Variants in POMGNT1 observed in about 807,000 individuals in gnomAD.
POMGNT1 encodes the protein protein O-linked mannose N-acetylglucosaminyltransferase 1 (beta 1,2-).
Under a neutral mutation model 95.6 loss-of-function variants are expected in POMGNT1, and 67 were observed. That is an observed-to-expected ratio of 0.70 (90% confidence interval 0.58 to 0.86). The LOEUF is 0.86. Among genes scored for constraint, POMGNT1 ranks in the 40% least tolerant of loss-of-function variants. The pLI is 0.00. For synonymous variants in POMGNT1, 298 were observed against 317.9 expected (o/e 0.94, Z 0.66); for missense variants, 719 against 855.2 (o/e 0.84, Z 1.99).
At chr1:46,194,746 A>G (rs1352376809) in intron 7 of POMGNT1, 95 bp from the exon 8 acceptor site, 2 of 1,613,726 alleles carry the variant, frequency 1.2e-6, no homozygotes, top group Non-Finnish European at 1.7e-6. Context: ...ACCCACTGCC[A>G]CTGGCTCCTA....
chr1:46,207,084 AT>A (rs56059506), intron 1 of POMGNT1, among the ~76,000 whole-genome samples: 277 of 143,444 alleles, frequency 1.9e-3, no homozygotes, highest in Middle Eastern at 3.5e-3. Flanking sequence ...GAGTCCTTCT[AT>A]TTTTTTTTTT....
At chr1:46,205,881 G>A (rs1446225547) in intron 1 of POMGNT1, among the ~76,000 whole-genome samples, 1 of 152,232 alleles carries the variant, frequency 6.6e-6, no homozygotes, top group Non-Finnish European at 1.5e-5. Context: ...ACTGAAGGCA[G>A]GACTGGTTCA....
intron 1 of POMGNT1, among the ~76,000 whole-genome samples, chr1:46,204,153 C>CA (rs756690288): frequency 2.0e-5 from 3 of 152,168 alleles, no homozygotes; most frequent in Non-Finnish European, 4.4e-5. Context: ...CTACATCCCC[C>CA]AGCCCTACTT....
rs763062475 is a variant in POMGNT1, at chr1:46,193,213, G to A, written c.1113C>T (p.His371=). ...ISIKNARVSQ[H]YKASLTATFN... ...AAGTGGCAGTGAGGCTGGCCTTGTA[G>A]TGCTGGGAGTGGGGTGGGAATAGGG... The change falls in exon 13 of 22, where the codon CAC becomes CAT. Residue 371 remains histidine (H), a splice_region_variant and synonymous_variant. Coordinates refer to ENST00000371984, the MANE Select transcript of POMGNT1 (RefSeq NM_017739.4). 1 of 1,614,238 alleles carries A rather than the reference G, an allele frequency of 6.2e-7. No individual in the cohort carries two copies. Among genetic ancestry groups the A allele is most frequent in the East Asian group, 2.2e-5 (1 of 44,884 alleles).
At chr1:46,212,472 G>A (rs1452128477) in intron 1 of POMGNT1, among the ~76,000 whole-genome samples, 2 of 151,762 alleles carry the variant, frequency 1.3e-5, no homozygotes, top group African/African-American at 2.4e-5. Flanking sequence ...TAACAGAGAC[G>A]GGGTTTCACC....
At chr1:46,200,859 G>A (rs765417183), upstream of POMGNT1, among the ~76,000 whole-genome samples, 13 of 152,182 alleles carry the variant, frequency 8.5e-5, no homozygotes, top group South Asian at 2.1e-4. Flanking sequence ...AAATGTTGCC[G>A]GGTTCGGTGG....
At position 46,190,489 on chromosome 1, in the gene POMGNT1, C is replaced by T. The variant is rs757535442; in HGVS notation, c.1633G>A (p.Val545Ile). ...AGGCCATACCTGAGCAGCCTGTGAA[C>T]TTCCACTTCATAAGCTTCTTTCTTC... ...SLKKEAYEVE[V>I]HRLLSEAEVL... Residue 545 changes from valine to isoleucine, a missense_variant, in exon 19 of 22, where the codon GTT becomes ATT. By Grantham distance (29) the Val-to-Ile change is conservative (BLOSUM62 3). Around this residue, in one of 5 missense-constraint regions of POMGNT1, gnomAD observed 130 missense variants for 149.2 expected, o/e 0.87. Transcript: ENST00000371984. 4 of 1,606,056 alleles carry T rather than the reference C, an allele frequency of 2.5e-6. No homozygotes were observed. The highest frequency in any genetic ancestry group is 2.6e-6 in the Non-Finnish European group (3 of 1,172,588).
rs1247698029 is a variant in POMGNT1, at chr1:46,193,015, C to T, written c.1153-57G>A. On this transcript the variant is annotated intron_variant, in intron 13 of 21. Coordinates refer to ENST00000371984, the MANE Select transcript of POMGNT1 (RefSeq NM_017739.4). ...AGGGGTCTCTCCATCCTGTGATCTCCTTTGCCCCCAACCCTCTTCTTGCAG... is the reference window on the plus strand; with the variant it reads ...AGGGGTCTCTCCATCCTGTGATCTCTTTTGCCCCCAACCCTCTTCTTGCAG... The T allele has an allele frequency of 2.5e-6, 4 of 1,609,784 alleles. No individual in the cohort carries two copies. In the East Asian group the frequency reaches 8.9e-5, roughly 36 times the overall value.
At chr1:46,198,542 T>TGGC (rs930297008), upstream of POMGNT1, 300 of 76,458 alleles carry the variant, frequency 3.9e-3, 2 homozygotes, top group African/African-American at 0.014. Context: ...GCGGCGGCGG[T>TGGC]GGCGGCAGCG....
Position 46,189,980 on chromosome 1 carries a change from C to T in POMGNT1, c.1659G>A (p.Glu553=), listed in dbSNP as rs750115605. 6.2e-7 allele frequency: 1 copy of T among 1,614,038 alleles called. No homozygotes were observed. The highest frequency in any genetic ancestry group is 1.3e-5 in the African/African-American group (1 of 75,054). The change falls in exon 20 of 22, where the codon GAG becomes GAA. Residue 553 remains glutamate (E), a synonymous_variant. Coordinates refer to ENST00000371984, the MANE Select transcript of POMGNT1 (RefSeq NM_017739.4). ...VEVHRLLSEA[E]VLDHSKNPCE... ...AAGGGTTCTTGCTGTGGTCCAGAACCTCAGCCTCACTGCAGTAGAGGGTGG... is the reference window on the plus strand; with the variant it reads ...AAGGGTTCTTGCTGTGGTCCAGAACTTCAGCCTCACTGCAGTAGAGGGTGG...
In POMGNT1 at chr1:46,196,810, C is replaced by A. The variant is rs761706300; in HGVS notation, c.275G>T (p.Gly92Val). The change falls in exon 4 of 22, where the codon GGC becomes GTC. Residue 92 changes from glycine to valine, a missense_variant. Transcript: ENST00000371984. This position sits in a 1 kb window ranked among gnomAD's most constrained non-coding sequence, Gnocchi z 4.4. ...LGRLEPPRRR[G>V]SGPRRVLDVE... ...GTCCAGGACCCGCCGGGGACCACTG[C>A]CTCTGCGCCGTGGGGGCTCCAGGCG... 4 of 1,614,106 alleles carry A rather than the reference C, an allele frequency of 2.5e-6. No homozygotes were observed. The highest frequency in any genetic ancestry group is 1.3e-5 in the African/African-American group (1 of 74,936).
chr1:46,212,184 T>A (rs1041932435), intron 1 of POMGNT1, among the ~76,000 whole-genome samples: 2 of 152,214 alleles, frequency 1.3e-5, no homozygotes, highest in Admixed American at 1.3e-4. Flanking sequence ...TGTGTTTGTG[T>A]GACCTGCGGG....
chr1:46,194,182 C>T (rs969566525), intron 9 of POMGNT1, 92 bp downstream of exon 9: 3 of 1,607,566 alleles, frequency 1.9e-6, no homozygotes, highest in African/African-American at 2.7e-5. Context: ...CTCCCAGGCT[C>T]AGGTAGGGAA....
In POMGNT1 at chr1:46,196,283, C is replaced by T. The variant is rs1658233450; in HGVS notation, c.355-206G>A. On this transcript the variant is annotated intron_variant, in intron 4 of 21. Transcript: ENST00000371984. This position sits in a 1 kb window ranked among gnomAD's most constrained non-coding sequence, Gnocchi z 4.4. ...CATCAGAAGAGATCACGTCTTTCTA[C>T]AACCCTCCCCTCCATGACTTTCATG... is the stretch of plus-strand genomic sequence containing the variant. 6.6e-6 allele frequency among the ~76,000 whole-genome samples: 1 copy of T among 152,220 alleles called. No individual in the cohort carries two copies. Among genetic ancestry groups the T allele is most frequent in the Non-Finnish European group, 1.5e-5 (1 of 68,036 alleles).
rs774003949 is a variant in POMGNT1, at chr1:46,197,035, A to C, written c.170T>G (p.Leu57Trp). ...GATGGCTCGCCGAGTGTCCAGGATC[A>C]ACTTGATATTGACAATGACAGTCAC... ...LLVTVIVNIK[L>W]ILDTRRAISE... The change falls in exon 3 of 22, where the codon TTG becomes TGG. Residue 57 changes from leucine (L) to tryptophan (W), a missense_variant. This residue lies in a region of POMGNT1 where 466 missense variants were observed against 517.4 expected (regional missense o/e 0.90). Transcript: ENST00000371984. 2 of 1,614,038 alleles carry C rather than the reference A, an allele frequency of 1.2e-6. No homozygotes were observed. Among genetic ancestry groups the C allele is most frequent in the Non-Finnish European group, 1.7e-6 (2 of 1,180,006 alleles).
At chr1:46,193,813 C>T (rs192897026) in intron 10 of POMGNT1, 42 bp downstream of exon 10, 12 of 1,612,166 alleles carry the variant, frequency 7.4e-6, no homozygotes, top group Non-Finnish European at 1.0e-5. Flanking sequence ...GACCTAAGCA[C>T]CCTCCTGTTC....
At chr1:46,195,980 G>A in intron 5 of POMGNT1, 32 bp downstream of exon 5, 1 of 1,614,106 alleles carries the variant, frequency 6.2e-7, no homozygotes, top group Non-Finnish European at 8.5e-7. Context: ...CCCAGCTCCA[G>A]CCCTCTGGGT....
intron 1 of POMGNT1, among the ~76,000 whole-genome samples, chr1:46,218,939 T>C (rs968901016): frequency 3.3e-5 from 5 of 152,072 alleles, no homozygotes. Context: ...ACTTCCTGAT[T>C]AACACCCTAT....
intron 1 of POMGNT1, among the ~76,000 whole-genome samples, chr1:46,216,043 C>CTT (rs141982741): frequency 0.053 from 4,879 of 92,640 alleles, 503 homozygotes; most frequent in African/African-American, 0.1. Flanking sequence ...TTTATTTTAT[C>CTT]TTTTTTTTTT....
Sources: allele counts gnomAD v4.1 joint callset (sites outside exome capture counted in the v4.1 genomes callset), GRCh38; gene constraint gnomAD v4.1.1; regional missense constraint gnomAD v4.1.1; non-coding constraint Gnocchi (gnomAD v3.1); transcripts MANE v1.5; gene names NCBI Gene and HGNC (gene_info 2026-07-23, HGNC 2026-07-21).